ACP3: variants seen among roughly 807,000 people sequenced by gnomAD.
The protein encoded by ACP3 is prostatic acid phosphatase.
ACP3 carries 38 observed loss-of-function variants against 45.6 expected under a neutral mutation model. That is an observed-to-expected ratio of 0.83 (90% CI 0.64 to 1.09). ACP3 has a LOEUF of 1.09. Among genes scored for constraint, ACP3 ranks in the 50% least tolerant of loss-of-function variants. The probability of loss-of-function intolerance (pLI) is 0.00; values close to 1 mark genes in which losing one functional copy is unlikely to be tolerated. For synonymous variants in ACP3, 162 were observed against 164.7 expected, an observed-to-expected ratio of 0.98 and a Z score of 0.13; for missense variants, 466 against 463.2, an observed-to-expected ratio of 1.01 and a Z score of -0.05.
chr3:132,318,616 A>T (rs1024889708), intron 1 of ACP3, among the ~76,000 whole-genome samples: 2 of 152,046 alleles, frequency 1.3e-5, no homozygotes, highest in Non-Finnish European at 2.9e-5. Context: ...TTACTAGGTC[A>T]TGAGTCAACA....
At chr3:132,332,037 C>T (rs982575021) in intron 3 of ACP3, among the ~76,000 whole-genome samples, 155 bp from the exon 4 acceptor site, 1 of 152,200 alleles carries the variant, frequency 6.6e-6, no homozygotes, top group Non-Finnish European at 1.5e-5. Flanking sequence ...TAATATTGCT[C>T]ATTCCTTAAC....
intron 1 of ACP3, among the ~76,000 whole-genome samples, chr3:132,326,486 C>T (rs1937300202): frequency 1.3e-5 from 2 of 152,172 alleles, no homozygotes; most frequent in South Asian, 4.1e-4. Context: ...TCCTTCCTGC[C>T]TTCAGGGGAT....
intron 9 of ACP3, among the ~76,000 whole-genome samples, chr3:132,355,877 TA>T (rs1345785212): frequency 1.3e-5 from 2 of 152,062 alleles, no homozygotes; most frequent in Non-Finnish European, 2.9e-5. Flanking sequence ...AGTGATGTTT[TA>T]AAAGGCTTGT....
At chr3:132,361,986 C>A (rs927463019), downstream of ACP3, among the ~76,000 whole-genome samples, 2 of 152,202 alleles carry the variant, frequency 1.3e-5, no homozygotes, top group African/African-American at 2.4e-5. Flanking sequence ...AAAACACCAT[C>A]AAGTGCTTAT....
chr3:132,365,687 A>G (rs893752414), intron 10 of ACP3, among the ~76,000 whole-genome samples: 4 of 152,182 alleles, frequency 2.6e-5, no homozygotes, highest in Admixed American at 6.5e-5. Context: ...GCTGTGTTAA[A>G]AATGGATTGT....
At chr3:132,340,139 C>T (rs939950488) in intron 5 of ACP3, among the ~76,000 whole-genome samples, 1 of 152,090 alleles carries the variant, frequency 6.6e-6, no homozygotes, top group Non-Finnish European at 1.5e-5. Context: ...CTTAGTGAAA[C>T]CCTGTCTCTA....
chr3:132,351,254 A>G (rs1348553866), intron 8 of ACP3, among the ~76,000 whole-genome samples: 1 of 152,248 alleles, frequency 6.6e-6, no homozygotes, highest in Non-Finnish European at 1.5e-5. Context: ...GAAAGAAAAG[A>G]GAGCAAGAGA....
intron 1 of ACP3, among the ~76,000 whole-genome samples, chr3:132,324,604 G>A (rs1937263288): frequency 6.6e-6 from 1 of 151,986 alleles, no homozygotes; most frequent in African/African-American, 2.4e-5. Context: ...TACAAACCAT[G>A]GAGGGTTGTG....
At chr3:132,344,722 G>A (rs753633230) in intron 6 of ACP3, among the ~76,000 whole-genome samples, 20 of 152,138 alleles carry the variant, frequency 1.3e-4, no homozygotes, top group Non-Finnish European at 2.4e-4. Context: ...TATGGACTGG[G>A]TAGGAATGGG....
At chr3:132,343,254 T>C (rs1411912529) in intron 6 of ACP3, among the ~76,000 whole-genome samples, 1 of 152,146 alleles carries the variant, frequency 6.6e-6, no homozygotes, top group Non-Finnish European at 1.5e-5. Context: ...GCTCACTAAA[T>C]ATGGGGCAAG....
chr3:132,347,902 C>G (rs10935003), intron 7 of ACP3, among the ~76,000 whole-genome samples: 71,821 of 151,290 alleles, frequency 0.47, 17,875 homozygotes, highest in Middle Eastern at 0.66. Context: ...AATTTAGGAT[C>G]ATATGGCTGG....
chr3:132,352,300 C>T (rs959515700), intron 8 of ACP3, among the ~76,000 whole-genome samples: 5 of 151,712 alleles, frequency 3.3e-5, no homozygotes, highest in Admixed American at 1.3e-4. Flanking sequence ...CGGGTTCAAG[C>T]GATTCTCCTG....
chr3:132,349,871 TAGA>T (rs1937680232), intron 7 of ACP3, 46 bp from the exon 8 acceptor site: 1 of 1,332,544 alleles, frequency 7.5e-7, no homozygotes, highest in Admixed American at 1.7e-5. Context: ...TGAACTAAAA[TAGA>T]AGCTTATGTT....
At chr3:132,323,385 C>T (rs1265300731) in intron 1 of ACP3, among the ~76,000 whole-genome samples, 3 of 152,102 alleles carry the variant, frequency 2.0e-5, no homozygotes, top group Non-Finnish European at 2.9e-5. Flanking sequence ...GACAGCAAGG[C>T]TTCTGCTTTC....
chr3:132,342,161 C>T (rs1245083620), intron 5 of ACP3, among the ~76,000 whole-genome samples: 4 of 152,284 alleles, frequency 2.6e-5, no homozygotes, highest in East Asian at 1.9e-4. Context: ...AATTCCAGCA[C>T]GAACCAGGAA....
intron 9 of ACP3, among the ~76,000 whole-genome samples, chr3:132,355,648 G>C (rs542258588): frequency 1.3e-5 from 2 of 152,140 alleles, no homozygotes; most frequent in Non-Finnish European, 2.9e-5. Flanking sequence ...CTCCCAAATA[G>C]CTGGGACTAT....
intron 8 of ACP3, among the ~76,000 whole-genome samples, chr3:132,350,206 A>G (rs1292789475): frequency 2.6e-5 from 4 of 152,164 alleles, no homozygotes; most frequent in Admixed American, 6.5e-5. Context: ...CATAAACACT[A>G]TACAAAATGG....
intron 1 of ACP3, among the ~76,000 whole-genome samples, chr3:132,324,452 A>ATACT (rs1937260908): frequency 2.0e-5 from 3 of 152,092 alleles, no homozygotes; most frequent in Admixed American, 2.0e-4. Flanking sequence ...ACAGTGGGCC[A>ATACT]ACTATCATGA....
chr3:132,332,364 C>A lies in ACP3; in HGVS notation c.456+20C>A. Reference sequence around the variant, plus strand: ...GATCAGGTCAGTATACTGGGAAAACCAGGAGATTTCAGATGGACCTAGAAT... The same window carrying A: ...GATCAGGTCAGTATACTGGGAAAACAAGGAGATTTCAGATGGACCTAGAAT... On this transcript the variant is annotated intron_variant, in intron 4 of 9. Transcript: ENST00000336375. The A allele has an allele frequency of 1.2e-6, 2 of 1,613,734 alleles. No individual in the cohort carries two copies. Among genetic ancestry groups the A allele is most frequent in the Non-Finnish European group, 1.7e-6 (2 of 1,179,782 alleles).
Sources: allele counts gnomAD v4.1 joint callset (sites outside exome capture counted in the v4.1 genomes callset), GRCh38; gene constraint gnomAD v4.1.1; transcripts MANE v1.5; gene names NCBI Gene and HGNC (gene_info 2026-07-23, HGNC 2026-07-21).